Variants in FAM3C observed in about 807,000 individuals in gnomAD.
The protein encoded by FAM3C is protein FAM3C.
A neutral mutation model predicts 32.5 loss-of-function variants in FAM3C; 15 were observed. That is an observed-to-expected ratio of 0.46 (90% CI 0.31 to 0.71). FAM3C has a LOEUF of 0.71. Among genes scored for constraint, FAM3C ranks in the 30% least tolerant of loss-of-function variants. FAM3C has a pLI of 0.05. For missense variants in FAM3C, 175 were observed against 274.4 expected (o/e 0.64, Z 2.56); for synonymous variants, 75 against 86.1 (o/e 0.87, Z 0.72).
In FAM3C at chr7:121,362,949, TAA is replaced by T. The variant is rs781484347; in HGVS notation, c.332-4_332-3del. The T allele has an allele frequency of 2.2e-6, 3 of 1,394,034 alleles. No individual in the cohort carries two copies. The highest frequency in any genetic ancestry group is 1.2e-5 in the South Asian group (1 of 83,826). The allele number at this position is 1,394,034 out of a possible 1,614,324, so 86.4% of individuals were successfully genotyped here. On this transcript the variant is annotated splice_polypyrimidine_tract_variant and splice_region_variant and intron_variant, in intron 6 of 9. Coordinates refer to ENST00000359943, the MANE Select transcript of FAM3C (RefSeq NM_014888.3). ...TGTCTAATACTTCTCCTGTTTTTCC[TAA>T]AAGAGATTAAATTCATATCAAATTA...
At chr7:121,369,505 A>C (rs1042121505) in intron 5 of FAM3C, among the ~76,000 whole-genome samples, 6 of 152,320 alleles carry the variant, frequency 3.9e-5, no homozygotes, top group Middle Eastern at 3.4e-3. Context: ...TGGTTCCTGA[A>C]ATAAGGATGG....
At chr7:121,362,990 T>C (rs768479160) in intron 6 of FAM3C, 43 bp from the exon 7 acceptor site, 3 of 897,728 alleles carry the variant, frequency 3.3e-6, no homozygotes, top group South Asian at 2.9e-5. Context: ...ATCTGAAATA[T>C]ATCATACACT....
Position 121,349,250 on chromosome 7 carries a change from T to C in FAM3C, c.*1211A>G, listed in dbSNP as rs555381139. The C allele has an allele frequency of 1.8e-4, 28 of 152,682 alleles. No individual in the cohort carries two copies. Among genetic ancestry groups the C allele is most frequent in the African/African-American group, 6.7e-4 (28 of 41,550 alleles). The allele number at this position is 152,682 out of a possible 1,614,324, so 9.5% of individuals were successfully genotyped here. A position where few individuals can be genotyped will look rare whatever the true frequency, so the allele number is the denominator to read the frequency against. On this transcript the variant is annotated 3_prime_UTR_variant, in exon 10 of 10. Transcript: ENST00000359943. Reference sequence around the variant, plus strand: ...TCGAAATTTAAGTGCTGCCTTACACTGTGAATGGCAGTTTGATCACTAAAT... The same window carrying C: ...TCGAAATTTAAGTGCTGCCTTACACCGTGAATGGCAGTTTGATCACTAAAT...
At chr7:121,359,807 CA>C (rs1457068847) in intron 8 of FAM3C, among the ~76,000 whole-genome samples, 2 of 151,788 alleles carry the variant, frequency 1.3e-5, no homozygotes, top group Non-Finnish European at 2.9e-5. Context: ...AAAAACAAAA[CA>C]TAAAAGTATA....
intron 1 of FAM3C, among the ~76,000 whole-genome samples, chr7:121,393,292 GA>G (rs1794615618): frequency 6.6e-6 from 1 of 151,824 alleles, no homozygotes. Flanking sequence ...CGTCTTTTAA[GA>G]AAAAAAATTA....
chr7:121,351,273 G>A lies in FAM3C; in HGVS notation c.468-4C>T. 1 of 1,613,004 alleles carries A rather than the reference G, an allele frequency of 6.2e-7. No homozygotes were observed. Among genetic ancestry groups the A allele is most frequent in the Non-Finnish European group, 8.5e-7 (1 of 1,179,416 alleles). On this transcript the variant is annotated splice_polypyrimidine_tract_variant and splice_region_variant and intron_variant, in intron 8 of 9. Coordinates refer to ENST00000359943, the MANE Select transcript of FAM3C (RefSeq NM_014888.3). The stretch of plus-strand genomic sequence containing the variant: ...CCGCCGTGCCTCATCATTGAGTCTT[G>A]AAGAGGGAGAGAAAGAATACAACAA...
chr7:121,388,729 G>A (rs1261782131), intron 1 of FAM3C, among the ~76,000 whole-genome samples: 1 of 152,054 alleles, frequency 6.6e-6, no homozygotes, highest in African/African-American at 2.4e-5. Context: ...GCATCATATT[G>A]AAATTACATT....
intron 8 of FAM3C, among the ~76,000 whole-genome samples, chr7:121,356,183 T>G (rs1208268504): frequency 1.4e-5 from 2 of 139,972 alleles, no homozygotes; most frequent in Non-Finnish European, 3.1e-5. Context: ...AAATGTAATC[T>G]CTGAAACATG....
chr7:121,363,466 G>C lies in FAM3C; in HGVS notation c.332-519C>G, dbSNP rs890836140. 3.9e-5 allele frequency among the ~76,000 whole-genome samples: 6 copies of C among 152,006 alleles called. 1 individual carries two copies. The highest frequency in any genetic ancestry group is 8.8e-5 in the Non-Finnish European group (6 of 67,936). ...ACCTAAGGAAATGAAGAAAGCAGAA[G>C]AACAAAAATTTACCTCTTGCTGTGA... is the stretch of plus-strand genomic sequence containing the variant. On this transcript the variant is annotated intron_variant, in intron 6 of 9. Transcript: ENST00000359943.
chr7:121,360,362 G>T (rs1169730681), intron 7 of FAM3C, among the ~76,000 whole-genome samples: 1 of 151,928 alleles, frequency 6.6e-6, no homozygotes, highest in African/African-American at 2.4e-5. Flanking sequence ...TGTGTCTTTC[G>T]TATTGATATT....
intron 3 of FAM3C, among the ~76,000 whole-genome samples, chr7:121,374,513 T>A (rs892659243): frequency 6.6e-6 from 1 of 152,178 alleles, no homozygotes; most frequent in Non-Finnish European, 1.5e-5. Flanking sequence ...ATCTTATGGG[T>A]CCTTAAGATA....
intron 8 of FAM3C, among the ~76,000 whole-genome samples, chr7:121,352,204 C>A (rs1180819511): frequency 6.6e-6 from 1 of 152,132 alleles, no homozygotes. Flanking sequence ...ATTCATTCTA[C>A]AGTGTTCTTT....
intron 8 of FAM3C, among the ~76,000 whole-genome samples, chr7:121,357,523 G>A (rs1793838464): frequency 6.6e-6 from 1 of 152,122 alleles, no homozygotes; most frequent in Admixed American, 6.6e-5. Context: ...TATATTAGAT[G>A]TAGATTGCCT....
chr7:121,357,976 T>G (rs1392018268), intron 8 of FAM3C, among the ~76,000 whole-genome samples: 2 of 152,156 alleles, frequency 1.3e-5, no homozygotes, highest in South Asian at 4.1e-4. Context: ...TTCTTTTTAA[T>G]GTTAAAACTT....
chr7:121,362,827 T>C (rs1793952333), intron 7 of FAM3C, 70 bp downstream of exon 7: 1 of 793,940 alleles, frequency 1.3e-6, no homozygotes, highest in Non-Finnish European at 2.1e-6. Context: ...CTCTCATTAA[T>C]GGGCTACATT....
chr7:121,395,294 TACATATATATGGATACATACATAC>T (rs1794664730), intron 1 of FAM3C, among the ~76,000 whole-genome samples: 3 of 151,078 alleles, frequency 2.0e-5, no homozygotes, highest in African/African-American at 4.9e-5. Context: ...TATGGATACA[TACATATATATGGATACATACATAC>T]ATATATATAT....
rs368936617 is a variant in FAM3C, at chr7:121,380,086, T to A, written c.14-1072A>T. 26 of 152,324 alleles carry A rather than the reference T, an allele frequency of 1.7e-4. No homozygotes were observed. In the East Asian group the frequency reaches 3.9e-3, roughly 23 times the overall value. The allele number at this position is 152,324 out of a possible 1,614,324, so 9.4% of individuals were successfully genotyped here. On this transcript the variant is annotated intron_variant, in intron 2 of 9. Coordinates refer to ENST00000359943, the MANE Select transcript of FAM3C (RefSeq NM_014888.3). Reference sequence around the variant, plus strand: ...CCAGGATCTAGCAAAGTGCACTGTATACACTGATACTATCAACAACTGTTT... The same window carrying A: ...CCAGGATCTAGCAAAGTGCACTGTAAACACTGATACTATCAACAACTGTTT...
chr7:121,390,768 C>T (rs1794557255), intron 1 of FAM3C, among the ~76,000 whole-genome samples: 2 of 145,104 alleles, frequency 1.4e-5, no homozygotes. Flanking sequence ...AATAAGCTCC[C>T]CAGATGACTG....
At chr7:121,371,802 A>T (rs768490981) in intron 4 of FAM3C, among the ~76,000 whole-genome samples, 57 of 152,258 alleles carry the variant, frequency 3.7e-4, no homozygotes, top group Non-Finnish European at 7.5e-4. Flanking sequence ...ATGCACAAAA[A>T]ATCGTCACCT....
Sources: gnomAD v4.1 joint callset for allele counts (sites outside exome capture counted in the v4.1 genomes callset) on GRCh38, gnomAD v4.1.1 for gene constraint, MANE v1.5 for transcripts, NCBI Gene and HGNC (gene_info 2026-07-23, HGNC 2026-07-21) for gene names.